The following RUNDC3B variants were observed in gnomAD, a reference collection of about 807,000 sequenced individuals.
The protein encoded by RUNDC3B is RUN domain containing 3B.
Under a neutral mutation model 58.4 loss-of-function variants are expected in RUNDC3B, and 33 were observed. The observed-to-expected ratio is 0.56, with a 90% CI of 0.43 to 0.75. RUNDC3B has a LOEUF of 0.75. RUNDC3B is among the 30% of genes least tolerant of loss of function. The pLI, the probability that RUNDC3B is intolerant of heterozygous loss-of-function variation, is 0.00. For missense variants in RUNDC3B, 501 were observed against 535.7 expected (o/e 0.94, Z 0.64); for synonymous variants, 193 against 195.2 (o/e 0.99, Z 0.10).
rs528005380 is a variant in RUNDC3B, at chr7:87,794,628, A to C, written c.957-12745A>C. Among the ~76,000 whole-genome samples the C allele has an allele frequency of 2.5e-3, 370 of 150,916 alleles. 3 individuals carry two copies. Among genetic ancestry groups the C allele is most frequent in the African/African-American group, 7.3e-3 (298 of 40,698 alleles). On this transcript the variant is annotated intron_variant, in intron 8 of 10. Transcript: ENST00000394654. The stretch of plus-strand genomic sequence containing the variant: ...CCAATGAGAGTCTTTATAGAAACAA[A>C]AAAAAAAAAAACCTAACATTTTTAT...
intron 3 of RUNDC3B, among the ~76,000 whole-genome samples, chr7:87,703,914 G>GTTTTTTTTTTTTTTTTTTTTTTTTT (rs35797972): frequency 2.1e-4 from 9 of 42,972 alleles, no homozygotes; most frequent in South Asian, 8.5e-4. Context: ...TTTTTTTTTG[G>GTTTTTTTTTTTTTTTTTTTTTTTTT]TTTTTTTTTT....
intron 6 of RUNDC3B, 98 bp from the exon 7 acceptor site, chr7:87,770,483 T>G: frequency 1.1e-6 from 1 of 893,638 alleles, no homozygotes; most frequent in South Asian, 1.6e-5. Flanking sequence ...GTACTAAATA[T>G]TTTCGAATTT....
At chr7:87,735,128 A>G (rs1163466479) in intron 4 of RUNDC3B, among the ~76,000 whole-genome samples, 1 of 152,106 alleles carries the variant, frequency 6.6e-6, no homozygotes, top group African/African-American at 2.4e-5. Context: ...AACTCTGTTC[A>G]CCCTTTCTTA....
chr7:87,678,676 A>T (rs934099205), intron 2 of RUNDC3B, among the ~76,000 whole-genome samples: 5 of 152,196 alleles, frequency 3.3e-5, no homozygotes, highest in African/African-American at 1.2e-4. Flanking sequence ...AAAAGGACTC[A>T]ATATATACAG....
rs116174997 is a variant in RUNDC3B, at chr7:87,673,625, C to T, written c.238+22688C>T. On this transcript the variant is annotated intron_variant, in intron 2 of 10. Coordinates refer to ENST00000394654, the MANE Select transcript of RUNDC3B (RefSeq NM_001134405.2). ...GGCTTCTGTATCCGTTTGTCATATTCCTTAGATTCCTTGGATTGAGCTTTG... is the reference window on the plus strand; with the variant it reads ...GGCTTCTGTATCCGTTTGTCATATTTCTTAGATTCCTTGGATTGAGCTTTG... 4.8e-3 allele frequency among the ~76,000 whole-genome samples: 730 copies of T among 152,294 alleles called. 6 individuals are homozygous for T. Among genetic ancestry groups the T allele is most frequent in the African/African-American group, 0.017 (693 of 41,562 alleles).
intron 2 of RUNDC3B, among the ~76,000 whole-genome samples, chr7:87,657,532 G>A (rs1165246543): frequency 6.6e-6 from 1 of 152,172 alleles, no homozygotes; most frequent in Non-Finnish European, 1.5e-5. Flanking sequence ...AGGCCAGAGA[G>A]ATAAGATTTC....
At chr7:87,815,514 A>G (rs1407470612) in intron 9 of RUNDC3B, among the ~76,000 whole-genome samples, 1 of 152,112 alleles carries the variant, frequency 6.6e-6, no homozygotes, top group East Asian at 1.9e-4. Flanking sequence ...AACTGAATTT[A>G]TCATCTAATA....
At chr7:87,724,490 A>T (rs1290753721) in intron 4 of RUNDC3B, among the ~76,000 whole-genome samples, 1 of 152,154 alleles carries the variant, frequency 6.6e-6, no homozygotes, top group Non-Finnish European at 1.5e-5. Flanking sequence ...TAGTTTTACA[A>T]ACCAGAATTT....
intron 2 of RUNDC3B, among the ~76,000 whole-genome samples, chr7:87,653,830 A>G (rs1468047137): frequency 6.6e-6 from 1 of 152,002 alleles, no homozygotes; most frequent in African/African-American, 2.4e-5. Flanking sequence ...ATTTGTTAGT[A>G]TTGCTCTTAA....
chr7:87,691,200 G>A (rs1827985058), intron 2 of RUNDC3B, among the ~76,000 whole-genome samples: 1 of 151,888 alleles, frequency 6.6e-6, no homozygotes, highest in Admixed American at 6.6e-5. Flanking sequence ...TCTGTGTGAG[G>A]GCTAATTTCA....
chr7:87,655,516 A>G (rs952929394), intron 2 of RUNDC3B, among the ~76,000 whole-genome samples: 4 of 152,182 alleles, frequency 2.6e-5, no homozygotes, highest in African/African-American at 7.2e-5. Context: ...CATCTAAAAA[A>G]GTTGAATTCG....
intron 6 of RUNDC3B, among the ~76,000 whole-genome samples, chr7:87,761,955 GAATA>G (rs1208911685): frequency 6.6e-6 from 1 of 151,644 alleles, no homozygotes; most frequent in Non-Finnish European, 1.5e-5. Flanking sequence ...GTATACAAAT[GAATA>G]AATAAGATAA....
intron 10 of RUNDC3B, among the ~76,000 whole-genome samples, chr7:87,823,189 C>G (rs1308426313): frequency 6.6e-6 from 1 of 152,002 alleles, no homozygotes; most frequent in African/African-American, 2.4e-5. Context: ...CAAAGTTATG[C>G]AAACCTCTGG....
chr7:87,735,114 C>T (rs539418922), intron 4 of RUNDC3B, among the ~76,000 whole-genome samples: 2 of 152,216 alleles, frequency 1.3e-5, no homozygotes, highest in East Asian at 3.9e-4. Context: ...TTTTTTTCCC[C>T]TGTAACTCTG....
chr7:87,743,232 T>G (rs980295228), intron 6 of RUNDC3B, among the ~76,000 whole-genome samples: 2 of 152,222 alleles, frequency 1.3e-5, no homozygotes, highest in Admixed American at 6.5e-5. Flanking sequence ...AGCATTTGGG[T>G]TGGTTCCACG....
At chr7:87,719,558 C>T (rs545275338) in intron 4 of RUNDC3B, among the ~76,000 whole-genome samples, 14 of 151,648 alleles carry the variant, frequency 9.2e-5, no homozygotes, top group Non-Finnish European at 1.9e-4. Context: ...TAGCTTTACC[C>T]GATACTAAAC....
rs1001663949 is a variant in RUNDC3B at position 87,799,620 on chromosome 7, G to A, written c.957-7753G>A. Among the ~76,000 whole-genome samples the A allele has an allele frequency of 2.0e-5, 3 of 152,164 alleles. No individual in the cohort carries two copies. The East Asian group carries it at 5.8e-4, about 29-fold the overall frequency. On this transcript the variant is annotated intron_variant, in intron 8 of 10. Coordinates refer to ENST00000394654, the MANE Select transcript of RUNDC3B (RefSeq NM_001134405.2). ...AGAATTACACAAGGCCAGGCGCGGT[G>A]GTTCATGCCTGTAATCGCAGCACTT...
intron 10 of RUNDC3B, among the ~76,000 whole-genome samples, chr7:87,825,199 A>G (rs1426662747): frequency 2.0e-5 from 3 of 152,080 alleles, no homozygotes; most frequent in Non-Finnish European, 4.4e-5. Flanking sequence ...AGCCTGGGTG[A>G]CAGAGCGAGA....
chr7:87,766,214 T>C (rs1259317646), intron 6 of RUNDC3B, among the ~76,000 whole-genome samples: 4 of 152,114 alleles, frequency 2.6e-5, no homozygotes, highest in Admixed American at 2.6e-4. Flanking sequence ...TCGAAGATGG[T>C]TGGGTCTTGT....
Sources: allele counts gnomAD v4.1 joint callset (sites outside exome capture counted in the v4.1 genomes callset), GRCh38; gene constraint gnomAD v4.1.1; transcripts MANE v1.5; gene names NCBI Gene and HGNC (gene_info 2026-07-23, HGNC 2026-07-21).